Variants in ZSCAN1 observed in about 807,000 individuals in gnomAD.
ZSCAN1 encodes the protein zinc finger and SCAN domain containing 1.
A neutral mutation model predicts 23.8 loss-of-function variants in ZSCAN1; 23 were observed. That is an observed-to-expected ratio of 0.97 (90% CI 0.70 to 1.37). The LOEUF (loss-of-function observed/expected upper bound fraction) is 1.37. Among genes scored for constraint, ZSCAN1 ranks in the 40% most tolerant of loss-of-function variants. ZSCAN1 has a pLI of 0.00. For synonymous variants in ZSCAN1, 236 were observed against 232.3 expected (o/e 1.02, Z -0.15); for missense variants, 575 against 554.0 (o/e 1.04, Z -0.38).
At chr19:58,044,039 G>A (rs928751042) in intron 4 of ZSCAN1, among the ~76,000 whole-genome samples, 4 of 151,932 alleles carry the variant, frequency 2.6e-5, no homozygotes, top group African/African-American at 9.7e-5. Flanking sequence ...GGGAGGCCGC[G>A]GCGGGCGGAT....
intron 4 of ZSCAN1, among the ~76,000 whole-genome samples, chr19:58,048,471 C>T (rs951885070): frequency 6.6e-5 from 10 of 152,182 alleles, no homozygotes; most frequent in Non-Finnish European, 1.3e-4. Flanking sequence ...TGGAGCGAGA[C>T]CATGTTACTT....
chr19:58,050,118 C>A (rs1163555775), intron 4 of ZSCAN1, among the ~76,000 whole-genome samples: 1 of 151,562 alleles, frequency 6.6e-6, no homozygotes, highest in Non-Finnish European at 1.5e-5. Context: ...TAACCCAGCA[C>A]CATTGCCCCA....
chr19:58,047,466 C>T lies in ZSCAN1; in HGVS notation c.466-5024C>T, dbSNP rs963734052. Among the ~76,000 whole-genome samples the T allele has an allele frequency of 7.9e-5, 12 of 152,324 alleles. No homozygotes were observed. The highest frequency in any genetic ancestry group is 7.7e-4 in the East Asian group (4 of 5,170). On this transcript the variant is annotated intron_variant, in intron 4 of 5. Transcript: ENST00000282326. This position sits in a 1 kb window ranked among gnomAD's most constrained non-coding sequence, Gnocchi z 4.9. ...TGGCACAGAGTTTTCCCACGCTGGT[C>T]GGCCTGCCCCAAGAGCCATCTCTGA...
rs1473262345 is a variant in ZSCAN1 at position 58,034,172 on chromosome 19, C to G, written c.-152+11C>G. The G allele has an allele frequency of 1.3e-5, 2 of 151,058 alleles. No individual in the cohort carries two copies. Among genetic ancestry groups the G allele is most frequent in the African/African-American group, 4.8e-5 (2 of 41,320 alleles). 9.4% of individuals were successfully genotyped at this position (151,058 alleles called of 1,614,324 possible). Reference sequence around the variant, plus strand: ...CGAAGCCCGCGCGCGGTGAGTCCGCCGCGGCCCATCCGTCCCTCCGCCCGC... The same window carrying G: ...CGAAGCCCGCGCGCGGTGAGTCCGCGGCGGCCCATCCGTCCCTCCGCCCGC... On this transcript the variant is annotated intron_variant, in intron 1 of 5. Coordinates refer to ENST00000282326, the MANE Select transcript of ZSCAN1 (RefSeq NM_182572.4).
rs367781962 is a variant in ZSCAN1, at chr19:58,054,057, C to T, written c.*6C>T. On this transcript the variant is annotated 3_prime_UTR_variant, in exon 6 of 6. Transcript: ENST00000282326. This position sits in a 1 kb window ranked among gnomAD's most constrained non-coding sequence, Gnocchi z 4.2. ...CGGCCCACGGCCACATGTGAATGGC[C>T]AGCCTCGGGCCTCGGCCACCCGGCC... The T allele has an allele frequency of 3.3e-5, 49 of 1,494,768 alleles. No individual in the cohort carries two copies. The highest frequency in any genetic ancestry group is 6.9e-5 in the Admixed American group (3 of 43,268). The allele number at this position is 1,494,768 out of a possible 1,614,324, so 92.6% of individuals were successfully genotyped here.
chr19:58,040,375 C>T lies in ZSCAN1; in HGVS notation c.371-75C>T. The T allele has an allele frequency of 6.7e-7, 1 of 1,498,280 alleles. No homozygotes were observed. Among genetic ancestry groups the T allele is most frequent in the Non-Finnish European group, 9.3e-7 (1 of 1,079,788 alleles). The allele number at this position is 1,498,280 out of a possible 1,614,324, so 92.8% of individuals were successfully genotyped here. A position where few individuals can be genotyped will look rare whatever the true frequency, so the allele number is the denominator to read the frequency against. On this transcript the variant is annotated intron_variant, in intron 3 of 5. Transcript: ENST00000282326. This position sits in a 1 kb window ranked among gnomAD's most constrained non-coding sequence, Gnocchi z 5.8. The stretch of plus-strand genomic sequence containing the variant: ...GCAGGGATGTTCGGGGAAAGTCTGC[C>T]CTCCCCAGAAGGCCTGGAGAATTGG...
At chr19:58,043,992 CG>C (rs2073806858) in intron 4 of ZSCAN1, among the ~76,000 whole-genome samples, 1 of 150,636 alleles carries the variant, frequency 6.6e-6, no homozygotes, top group African/African-American at 2.4e-5. Context: ...CTCTTGGGGC[CG>C]GGCGCGGTGG....
At chr19:58,037,565 C>T (rs1054315999) in intron 2 of ZSCAN1, among the ~76,000 whole-genome samples, 163 bp from the exon 3 acceptor site, 2 of 152,026 alleles carry the variant, frequency 1.3e-5, no homozygotes, top group East Asian at 1.9e-4. Flanking sequence ...TGCAAAGTAG[C>T]CTGTGAGAGG....
chr19:58,042,310 T>G (rs1017124012), intron 4 of ZSCAN1, among the ~76,000 whole-genome samples: 1 of 151,478 alleles, frequency 6.6e-6, no homozygotes, highest in East Asian at 2.0e-4. Flanking sequence ...CAGGCTGGAG[T>G]GCAGTGGCGC....
intron 1 of ZSCAN1, among the ~76,000 whole-genome samples, chr19:58,034,858 T>C (rs375027083): frequency 6.7e-6 from 1 of 150,096 alleles, no homozygotes; most frequent in Non-Finnish European, 1.5e-5. Flanking sequence ...ATTATGGAAC[T>C]CCTCCGTGTG....
At chr19:58,044,994 A>G in intron 4 of ZSCAN1, 1 of 1,138,210 alleles carries the variant, frequency 8.8e-7, no homozygotes, top group Non-Finnish European at 1.3e-6. Context: ...AGCTGGAGGA[A>G]GGCGGCCCTG....
At chr19:58,043,184 T>C (rs1262435105) in intron 4 of ZSCAN1, among the ~76,000 whole-genome samples, 3 of 152,154 alleles carry the variant, frequency 2.0e-5, no homozygotes, top group Admixed American at 6.5e-5. Context: ...CGCTGTGGAG[T>C]GGGCACGACT....
intron 4 of ZSCAN1, among the ~76,000 whole-genome samples, chr19:58,050,192 T>C (rs2073850310): frequency 6.6e-6 from 1 of 151,956 alleles, no homozygotes; most frequent in Non-Finnish European, 1.5e-5. Context: ...CCCAGCACTT[T>C]GGGAGGCCGA....
chr19:58,034,785 G>A (rs945342279), intron 1 of ZSCAN1, among the ~76,000 whole-genome samples: 1 of 117,990 alleles, frequency 8.5e-6, no homozygotes. Flanking sequence ...GTCCACAGCC[G>A]TCGTCGCTGC....
At position 58,046,134 on chromosome 19, in the gene ZSCAN1, C is replaced by A. The variant is rs1036310230; in HGVS notation, c.465+5590C>A. The A allele has an allele frequency of 8.5e-6, 6 of 709,948 alleles. No individual in the cohort carries two copies. In the African/African-American group the frequency reaches 1.1e-4, roughly 12 times the overall value. The allele number at this position is 709,948 out of a possible 1,614,324, so 44.0% of individuals were successfully genotyped here. A position where few individuals can be genotyped will look rare whatever the true frequency, so the allele number is the denominator to read the frequency against. On this transcript the variant is annotated intron_variant, in intron 4 of 5. Coordinates refer to ENST00000282326, the MANE Select transcript of ZSCAN1 (RefSeq NM_182572.4). ...CTGACACTGTCCTGCAGTCAGAGAC[C>A]ATGAAGGACACTGCCCCCGTGCTAG...
intron 4 of ZSCAN1, chr19:58,046,814 G>C: frequency 1.4e-6 from 1 of 732,834 alleles, no homozygotes; most frequent in Non-Finnish European, 2.5e-6. Flanking sequence ...CTGCCACCCT[G>C]GTGAGGGCTG....
At position 58,044,506 on chromosome 19, in the gene ZSCAN1, G is replaced by C. The variant is rs950749158; in HGVS notation, c.465+3962G>C. 9.7e-6 allele frequency: 4 copies of C among 412,072 alleles called. No individual in the cohort carries two copies. The East Asian group carries it at 2.2e-4, about 23-fold the overall frequency. 25.5% of individuals were successfully genotyped at this position (412,072 alleles called of 1,614,324 possible). A position where few individuals can be genotyped will look rare whatever the true frequency, so the allele number is the denominator to read the frequency against. On this transcript the variant is annotated intron_variant, in intron 4 of 5. Transcript: ENST00000282326. ...CACGGACGGCGCCTGAGGAGCCACC[G>C]AGACGGCGAAGAGCCGCGGCCGCCG...
chr19:58,036,663 G>A (rs1032880379), intron 2 of ZSCAN1, among the ~76,000 whole-genome samples: 5 of 151,588 alleles, frequency 3.3e-5, no homozygotes, highest in Admixed American at 6.6e-5. Flanking sequence ...TTACAGGTGC[G>A]TGCCACCACG....
chr19:58,041,254 C>T (rs576826495), intron 4 of ZSCAN1, among the ~76,000 whole-genome samples: 1 of 152,364 alleles, frequency 6.6e-6, no homozygotes, highest in African/African-American at 2.4e-5. Flanking sequence ...GTTTTGCTCA[C>T]AGACCAGAGA....
Sources: allele counts gnomAD v4.1 joint callset (sites outside exome capture counted in the v4.1 genomes callset), GRCh38; gene constraint gnomAD v4.1.1; non-coding constraint Gnocchi (gnomAD v3.1); transcripts MANE v1.5; gene names NCBI Gene and HGNC (gene_info 2026-07-23, HGNC 2026-07-21).